The following ASTN2 variants were observed in gnomAD, a reference collection of about 807,000 sequenced individuals.
ASTN2 encodes astrotactin-2.
A neutral mutation model predicts 139.8 loss-of-function variants in ASTN2; 54 were observed. That is an observed-to-expected ratio of 0.39 (90% CI 0.31 to 0.48). ASTN2 has a LOEUF of 0.48. Ranked by LOEUF, ASTN2 falls within the 20% of genes least tolerant of loss-of-function variation. The pLI is 0.95. For missense variants in ASTN2, 1,565 were observed against 1,725.1 expected (o/e 0.91, Z 1.64); for synonymous variants, 756 against 719.5 (o/e 1.05, Z -0.81).
At chr9:116,855,650 T>G (rs1832720951) in intron 11 of ASTN2, among the ~76,000 whole-genome samples, 1 of 152,180 alleles carries the variant, frequency 6.6e-6, no homozygotes, top group Admixed American at 6.5e-5. Flanking sequence ...GGAACTATTC[T>G]CAGCCTTGGG....
chr9:116,431,621 T>C (rs960848045), intron 22 of ASTN2, among the ~76,000 whole-genome samples: 3 of 152,192 alleles, frequency 2.0e-5, no homozygotes, highest in Non-Finnish European at 4.4e-5. Context: ...AGTTACATTG[T>C]TGTAGCAACA....
At chr9:117,168,696 T>C (rs1268136645) in intron 3 of ASTN2, among the ~76,000 whole-genome samples, 2 of 152,184 alleles carry the variant, frequency 1.3e-5, no homozygotes, top group African/African-American at 4.8e-5. Flanking sequence ...CAGCAGTTCT[T>C]TTCTAACTTG....
intron 7 of ASTN2, among the ~76,000 whole-genome samples, chr9:116,978,446 CTCTCTGTATCTCTCTCTGTATGTA>C (rs1836414025): frequency 6.6e-6 from 1 of 151,686 alleles, no homozygotes; most frequent in African/African-American, 2.4e-5. Context: ...CTCATTATCT[CTCTCTGTATCTCTCTCTGTATGTA>C]TCTCTCTCTC....
intron 1 of ASTN2, among the ~76,000 whole-genome samples, chr9:117,302,546 A>G (rs1044062735): frequency 6.6e-6 from 1 of 152,204 alleles, no homozygotes. Context: ...AACTCTCCTG[A>G]AGATGCTGCC....
chr9:116,909,451 G>A (rs559661304), intron 10 of ASTN2, among the ~76,000 whole-genome samples: 1 of 152,296 alleles, frequency 6.6e-6, no homozygotes, highest in Admixed American at 6.5e-5. Context: ...GATGCATGTT[G>A]GTTCAATTTC....
chr9:117,250,864 A>G (rs1158383531), intron 2 of ASTN2, among the ~76,000 whole-genome samples: 1 of 152,194 alleles, frequency 6.6e-6, no homozygotes, highest in African/African-American at 2.4e-5. Context: ...AGGAAGTAAT[A>G]TCTCTGCTAA....
At chr9:116,861,109 T>C (rs1832865228) in intron 11 of ASTN2, among the ~76,000 whole-genome samples, 1 of 152,094 alleles carries the variant, frequency 6.6e-6, no homozygotes, top group African/African-American at 2.4e-5. Flanking sequence ...CATCAGACCG[T>C]TGAATCTTCT....
At chr9:116,787,859 A>G (rs1486988525) in intron 13 of ASTN2, among the ~76,000 whole-genome samples, 4 of 152,234 alleles carry the variant, frequency 2.6e-5, no homozygotes, top group Non-Finnish European at 4.4e-5. Context: ...ATAATAATGT[A>G]TCAATATTGA....
At chr9:116,832,734 A>G (rs1831852132) in intron 11 of ASTN2, among the ~76,000 whole-genome samples, 1 of 151,958 alleles carries the variant, frequency 6.6e-6, no homozygotes, top group Admixed American at 6.6e-5. Flanking sequence ...GTTATCTTTT[A>G]TGTATTGTTG....
chr9:117,168,874 A>C (rs1830727046), intron 3 of ASTN2, among the ~76,000 whole-genome samples: 1 of 152,146 alleles, frequency 6.6e-6, no homozygotes, highest in South Asian at 2.1e-4. Flanking sequence ...AAGACTTATA[A>C]ATTGAACCTA....
At chr9:117,245,162 T>G (rs1232696566) in intron 2 of ASTN2, among the ~76,000 whole-genome samples, 1 of 152,134 alleles carries the variant, frequency 6.6e-6, no homozygotes, top group East Asian at 1.9e-4. Flanking sequence ...ATGCTCTCTG[T>G]GTAATGGCAA....
intron 16 of ASTN2, chr9:116,697,895 A>C (rs1413028401): frequency 1.2e-6 from 2 of 1,614,080 alleles, no homozygotes; most frequent in Non-Finnish European, 1.7e-6. Flanking sequence ...TGGAGAAGCT[A>C]TTGGCCAGTA....
chr9:117,130,691 A>G (rs574336252), intron 4 of ASTN2, among the ~76,000 whole-genome samples: 1 of 152,364 alleles, frequency 6.6e-6, no homozygotes, highest in East Asian at 1.9e-4. Context: ...CTGAAAGTTT[A>G]CTACATGACT....
chr9:117,347,136 T>C (rs1829244098), intron 1 of ASTN2, among the ~76,000 whole-genome samples: 2 of 151,708 alleles, frequency 1.3e-5, no homozygotes, highest in African/African-American at 4.8e-5. Context: ...CTGTGGAAAA[T>C]ATAATGGGAG....
chr9:117,381,921 G>A (rs1243769941), intron 1 of ASTN2, among the ~76,000 whole-genome samples: 1 of 152,288 alleles, frequency 6.6e-6, no homozygotes, highest in East Asian at 1.9e-4. Flanking sequence ...GAAAGTATAT[G>A]TAAATGACCA....
intron 2 of ASTN2, among the ~76,000 whole-genome samples, chr9:117,215,312 C>T (rs1299628510): frequency 6.6e-6 from 1 of 152,050 alleles, no homozygotes; most frequent in Non-Finnish European, 1.5e-5. Flanking sequence ...TCTGCATAGT[C>T]TGTATTTTCT....
intron 10 of ASTN2, among the ~76,000 whole-genome samples, chr9:116,933,515 C>T (rs1026214943): frequency 6.6e-6 from 1 of 151,978 alleles, no homozygotes; most frequent in Admixed American, 6.6e-5. Flanking sequence ...AACAGGAGCA[C>T]TTAAGGAATT....
intron 1 of ASTN2, among the ~76,000 whole-genome samples, chr9:117,332,125 C>A (rs1332041010): frequency 2.6e-5 from 4 of 152,298 alleles, no homozygotes; most frequent in East Asian, 3.9e-4. Context: ...TGAATGAATT[C>A]TTTTTCTTCA....
chr9:117,122,952 C>T (rs746378969), intron 4 of ASTN2, among the ~76,000 whole-genome samples: 8 of 152,130 alleles, frequency 5.3e-5, no homozygotes, highest in Non-Finnish European at 7.4e-5. Flanking sequence ...CCAACACACA[C>T]AGACCAGATG....
Sources: allele counts gnomAD v4.1 joint callset (sites outside exome capture counted in the v4.1 genomes callset), GRCh38; gene constraint gnomAD v4.1.1; transcripts MANE v1.5; gene names NCBI Gene and HGNC (gene_info 2026-07-23, HGNC 2026-07-21).